The following DNER variants were observed in gnomAD, a reference collection of about 807,000 sequenced individuals.
DNER encodes delta and Notch-like epidermal growth factor-related receptor.
In DNER, 33 loss-of-function variants were observed where a neutral mutation model predicts 78.2. The ratio of observed to expected loss-of-function variants is 0.42; its 90% CI spans 0.32 to 0.56. The LOEUF (loss-of-function observed/expected upper bound fraction) is 0.56, where lower values mean the gene tolerates loss of function less well. Among genes scored for constraint, DNER ranks in the 20% least tolerant of loss-of-function variants. The pLI, the probability that DNER is intolerant of heterozygous loss-of-function variation, is 0.11. For synonymous variants in DNER, 417 were observed against 384.8 expected (o/e 1.08, Z -0.98); for missense variants, 918 against 975.3 (o/e 0.94, Z 0.78).
chr2:229,525,168 G>A (rs1210579195), intron 5 of DNER, among the ~76,000 whole-genome samples: 2 of 152,220 alleles, frequency 1.3e-5, no homozygotes, highest in Non-Finnish European at 2.9e-5. Context: ...TAGCCGGGAT[G>A]TGGGCCTTCT....
intron 11 of DNER, among the ~76,000 whole-genome samples, chr2:229,386,969 T>C (rs1433181262): frequency 4.6e-5 from 7 of 152,128 alleles, no homozygotes; most frequent in Admixed American, 1.3e-4. Flanking sequence ...AGCAATCTCA[T>C]TACTGGGTAT....
rs531850497 is a variant in DNER, at chr2:229,634,187, C to T, written c.277-42299G>A. ...TGTAACTTTCGTTAAAAATATTGAA[C>T]AAATATGCATATAGAATAAGCAAAA... On this transcript the variant is annotated intron_variant, in intron 1 of 12. Coordinates refer to ENST00000341772, the MANE Select transcript of DNER (RefSeq NM_139072.4). Among the ~76,000 whole-genome samples the T allele has an allele frequency of 3.3e-5, 5 of 152,296 alleles. No homozygotes were observed. In the South Asian group the frequency reaches 1.0e-3, roughly 32 times the overall value.
intron 1 of DNER, among the ~76,000 whole-genome samples, chr2:229,702,390 G>C (rs1161956623): frequency 1.3e-5 from 2 of 152,002 alleles, no homozygotes; most frequent in Admixed American, 1.3e-4. Flanking sequence ...TTAAAAATTA[G>C]CCAAGCGTGG....
At chr2:229,503,716 T>C (rs951357711) in intron 6 of DNER, among the ~76,000 whole-genome samples, 5 of 152,154 alleles carry the variant, frequency 3.3e-5, no homozygotes, top group African/African-American at 1.2e-4. Flanking sequence ...GGGGTATCTT[T>C]TGAGTTATAC....
chr2:229,681,359 C>A (rs1411889465), intron 1 of DNER, among the ~76,000 whole-genome samples: 2 of 152,120 alleles, frequency 1.3e-5, no homozygotes, highest in African/African-American at 4.8e-5. Context: ...ACCAAAATAG[C>A]ATAATGGTGG....
intron 4 of DNER, among the ~76,000 whole-genome samples, chr2:229,572,988 A>G (rs1265250400): frequency 6.6e-6 from 1 of 152,130 alleles, no homozygotes; most frequent in Non-Finnish European, 1.5e-5. Context: ...CAGTCCTGGG[A>G]ACAGTGTCCT....
At chr2:229,426,085 C>G (rs1693870241) in intron 8 of DNER, among the ~76,000 whole-genome samples, 1 of 152,142 alleles carries the variant, frequency 6.6e-6, no homozygotes. Flanking sequence ...AAACCCATGA[C>G]TTTCTGATTC....
At chr2:229,645,586 T>C (rs1574941601) in intron 1 of DNER, among the ~76,000 whole-genome samples, 1 of 152,344 alleles carries the variant, frequency 6.6e-6, no homozygotes, top group East Asian at 1.9e-4. Context: ...CTGTAATTTA[T>C]CCTTCAAATC....
At position 229,714,340 on chromosome 2, in the gene DNER, G is replaced by T; in HGVS notation, c.84C>A (p.Pro28=). The change falls in exon 1 of 13, where the codon CCC becomes CCA. Residue 28 remains proline, a synonymous_variant. Transcript: ENST00000341772. The part of the protein sequence containing the change: ...ALLLLLLGAG[P]RGSSLANPVP... ...CCGGGTTGGCCAGGGAGCTGCCTCGGGGCCCCGCTCCGAGCAGCAGCAGCA... is the reference window on the plus strand; with the variant it reads ...CCGGGTTGGCCAGGGAGCTGCCTCGTGGCCCCGCTCCGAGCAGCAGCAGCA... 7.9e-7 allele frequency: 1 copy of T among 1,261,312 alleles called. No homozygotes were observed. The highest frequency in any genetic ancestry group is 9.9e-7 in the Non-Finnish European group (1 of 1,009,024). The allele number at this position is 1,261,312 out of a possible 1,614,324, so 78.1% of individuals were successfully genotyped here. A position where few individuals can be genotyped will look rare whatever the true frequency, so the allele number is the denominator to read the frequency against.
chr2:229,658,628 GTTT>G (rs1698952651), intron 1 of DNER, among the ~76,000 whole-genome samples: 1 of 152,134 alleles, frequency 6.6e-6, no homozygotes, highest in African/African-American at 2.4e-5. Flanking sequence ...GGAGGGAGTT[GTTT>G]TTATTTTCCA....
intron 5 of DNER, among the ~76,000 whole-genome samples, chr2:229,529,084 A>T (rs1213791869): frequency 2.0e-5 from 3 of 152,218 alleles, no homozygotes; most frequent in Admixed American, 2.0e-4. Flanking sequence ...TAATCTAAAT[A>T]TGGAAGCCCA....
intron 11 of DNER, among the ~76,000 whole-genome samples, chr2:229,388,049 G>C (rs988146522): frequency 2.0e-5 from 3 of 151,998 alleles, no homozygotes; most frequent in Non-Finnish European, 4.4e-5. Flanking sequence ...GGAGGGAGTG[G>C]GGGCAGCAGA....
chr2:229,682,053 G>A (rs1699396738), intron 1 of DNER, among the ~76,000 whole-genome samples: 1 of 152,174 alleles, frequency 6.6e-6, no homozygotes, highest in Admixed American at 6.5e-5. Context: ...GTAAGCAAGA[G>A]GGCATATGGG....
chr2:229,703,876 C>A (rs1424557119), intron 1 of DNER, among the ~76,000 whole-genome samples: 1 of 147,780 alleles, frequency 6.8e-6, no homozygotes, highest in African/African-American at 2.5e-5. Context: ...CAGAGTGAGA[C>A]CCTGTCTCAA....
At chr2:229,461,110 G>A (rs1694691019) in intron 7 of DNER, among the ~76,000 whole-genome samples, 1 of 152,054 alleles carries the variant, frequency 6.6e-6, no homozygotes, top group African/African-American at 2.4e-5. Context: ...GAGACGGTCA[G>A]AACAGATTTC....
At chr2:229,686,250 T>A (rs1475258716) in intron 1 of DNER, among the ~76,000 whole-genome samples, 1 of 152,066 alleles carries the variant, frequency 6.6e-6, no homozygotes, top group African/African-American at 2.4e-5. Context: ...CACTGACTGT[T>A]CATCTGGCAC....
intron 1 of DNER, among the ~76,000 whole-genome samples, chr2:229,675,503 G>A (rs1288152113): frequency 6.6e-6 from 1 of 152,200 alleles, no homozygotes; most frequent in African/African-American, 2.4e-5. Context: ...CTGGACTTAA[G>A]GTAGCACAAA....
chr2:229,559,869 C>T (rs35690448), intron 4 of DNER, among the ~76,000 whole-genome samples: 1,941 of 152,340 alleles, frequency 0.013, 20 homozygotes, highest in South Asian at 0.019. Flanking sequence ...TCCCCACTCT[C>T]CTATCACACA....
chr2:229,646,041 A>G (rs1458210633), intron 1 of DNER, among the ~76,000 whole-genome samples: 1 of 152,204 alleles, frequency 6.6e-6, no homozygotes, highest in Non-Finnish European at 1.5e-5. Flanking sequence ...ATTCCCTGAC[A>G]ATGTGGATTC....
Sources: allele counts gnomAD v4.1 joint callset (sites outside exome capture counted in the v4.1 genomes callset), GRCh38; gene constraint gnomAD v4.1.1; transcripts MANE v1.5; gene names NCBI Gene and HGNC (gene_info 2026-07-23, HGNC 2026-07-21).